Variants in DOK6 observed in about 807,000 individuals in gnomAD.
DOK6 encodes docking protein 6.
Under a neutral mutation model 44.0 loss-of-function variants are expected in DOK6, and 22 were observed. The ratio of observed to expected loss-of-function variants is 0.50; its 90% CI spans 0.36 to 0.71. The LOEUF is 0.71. Among genes scored for constraint, DOK6 ranks in the 30% least tolerant of loss-of-function variants. The pLI is 0.00. For synonymous variants in DOK6, 166 were observed against 145.5 expected, an observed-to-expected ratio of 1.14 and a Z score of -1.01; for missense variants, 340 against 416.4, an observed-to-expected ratio of 0.82 and a Z score of 1.60.
chr18:69,648,071 A>G (rs17081435), intron 3 of DOK6, among the ~76,000 whole-genome samples: 17,881 of 152,216 alleles, frequency 0.12, 1,173 homozygotes, highest in East Asian at 0.2. Flanking sequence ...AGCCTGGCAC[A>G]TCCTTGTTTC....
chr18:69,643,945 G>A (rs760337319), intron 3 of DOK6, among the ~76,000 whole-genome samples: 35 of 152,050 alleles, frequency 2.3e-4, no homozygotes, highest in Non-Finnish European at 3.2e-4. Flanking sequence ...TTGGCCATCC[G>A]GATAGGTGCG....
intron 1 of DOK6, among the ~76,000 whole-genome samples, chr18:69,534,423 T>C (rs1262209299): frequency 6.6e-6 from 1 of 152,182 alleles, no homozygotes; most frequent in Admixed American, 6.5e-5. Flanking sequence ...GTTTTAGATA[T>C]ATAATTGTTT....
rs915617589 is a variant in DOK6 at position 69,565,519 on chromosome 18, G to A, written c.174+925G>A. Among the ~76,000 whole-genome samples, 16 of 5,812 alleles carry A rather than the reference G, an allele frequency of 2.8e-3. 1 individual carries two copies. The highest frequency in any genetic ancestry group is 5.3e-3 in the African/African-American group (15 of 2,812). The allele number at this position is 5,812 out of a possible 152,430, so 3.8% of individuals were successfully genotyped here. A position where few individuals can be genotyped will look rare whatever the true frequency, so the allele number is the denominator to read the frequency against. Reference sequence around the variant, plus strand: ...TGTGTGTGTGTGTGTGTGTGTGTGTGTGTATATATATATACATAATTTTAA... The same window carrying A: ...TGTGTGTGTGTGTGTGTGTGTGTGTATGTATATATATATACATAATTTTAA... On this transcript the variant is annotated intron_variant, in intron 2 of 7. Coordinates refer to ENST00000382713, the MANE Select transcript of DOK6 (RefSeq NM_152721.6).
chr18:69,528,189 T>C (rs1056202957), intron 1 of DOK6, among the ~76,000 whole-genome samples: 1 of 150,010 alleles, frequency 6.7e-6, no homozygotes, highest in African/African-American at 2.4e-5. Flanking sequence ...AAGCTTCACC[T>C]TACAGATGCA....
chr18:69,669,543 G>A (rs73465970), intron 3 of DOK6, among the ~76,000 whole-genome samples: 2,772 of 152,100 alleles, frequency 0.018, 80 homozygotes, highest in African/African-American at 0.064. Context: ...CCTTTTATAT[G>A]ACACCTGTCC....
intron 1 of DOK6, among the ~76,000 whole-genome samples, chr18:69,487,804 G>T (rs1980625193): frequency 6.6e-6 from 1 of 152,054 alleles, no homozygotes; most frequent in Non-Finnish European, 1.5e-5. Flanking sequence ...GAGTTTCAGG[G>T]AGCATCTTGC....
chr18:69,830,942 T>C (rs902227863), intron 7 of DOK6, among the ~76,000 whole-genome samples: 1 of 152,204 alleles, frequency 6.6e-6, no homozygotes, highest in Non-Finnish European at 1.5e-5. Context: ...TTTATTTTTT[T>C]TCCACATGTA....
intron 7 of DOK6, among the ~76,000 whole-genome samples, chr18:69,826,224 TATTTGACCCAAA>T (rs1832709721): frequency 6.6e-6 from 1 of 152,204 alleles, no homozygotes; most frequent in South Asian, 2.1e-4. Context: ...TATGTGATTA[TATTTGACCCAAA>T]GTAAGCTGGT....
At chr18:69,560,138 A>C (rs532672543) in intron 1 of DOK6, among the ~76,000 whole-genome samples, 1 of 152,260 alleles carries the variant, frequency 6.6e-6, no homozygotes, top group African/African-American at 2.4e-5. Flanking sequence ...TATGTCTTGT[A>C]ATCCTCAAAG....
At chr18:69,804,090 T>G (rs182508392) in intron 7 of DOK6, among the ~76,000 whole-genome samples, 3 of 152,194 alleles carry the variant, frequency 2.0e-5, no homozygotes, top group Admixed American at 2.0e-4. Context: ...AAACAAAATT[T>G]TTGAGGTTAA....
chr18:69,758,090 A>T (rs916551686), intron 7 of DOK6, among the ~76,000 whole-genome samples: 1 of 152,240 alleles, frequency 6.6e-6, no homozygotes, highest in Admixed American at 6.5e-5. Flanking sequence ...AATTACTGTG[A>T]GGGCTAAGGA....
At chr18:69,487,875 ACT>A (rs1980627194) in intron 1 of DOK6, among the ~76,000 whole-genome samples, 1 of 151,370 alleles carries the variant, frequency 6.6e-6, no homozygotes, top group Non-Finnish European at 1.5e-5. Flanking sequence ...TTTCACAAAA[ACT>A]CTTTCTGGTG....
chr18:69,840,093 C>T (rs1352622382), intron 7 of DOK6, among the ~76,000 whole-genome samples: 3 of 152,226 alleles, frequency 2.0e-5, no homozygotes, highest in Middle Eastern at 3.2e-3. Flanking sequence ...GTATTTTCCA[C>T]GTCGCCAAAC....
chr18:69,825,806 A>G (rs1274868750), intron 7 of DOK6, among the ~76,000 whole-genome samples: 2 of 152,142 alleles, frequency 1.3e-5, no homozygotes, highest in Non-Finnish European at 2.9e-5. Flanking sequence ...TTGGGAAAAA[A>G]TATTCTCATA....
rs182192192 is a variant in DOK6 at position 69,549,012 on chromosome 18, G to A, written c.67-15475G>A. Among the ~76,000 whole-genome samples the A allele has an allele frequency of 8.4e-4, 126 of 150,204 alleles. 1 individual carries two copies. The highest frequency in any genetic ancestry group is 3.5e-3 in the Middle Eastern group (1 of 288). The stretch of plus-strand genomic sequence containing the variant: ...CGGGAGGCTGAGGCAGGAGAATGGC[G>A]TGAACCCCGGGTGACGGAGCCTGCA... On this transcript the variant is annotated intron_variant, in intron 1 of 7. Coordinates refer to ENST00000382713, the MANE Select transcript of DOK6 (RefSeq NM_152721.6).
intron 5 of DOK6, among the ~76,000 whole-genome samples, chr18:69,728,274 A>C (rs1338548541): frequency 6.6e-6 from 1 of 152,106 alleles, no homozygotes; most frequent in Non-Finnish European, 1.5e-5. Context: ...CAGAATTTTC[A>C]CTCAGCTAAG....
chr18:69,672,581 C>T (rs1429656864), intron 3 of DOK6, among the ~76,000 whole-genome samples: 1 of 152,074 alleles, frequency 6.6e-6, no homozygotes, highest in Non-Finnish European at 1.5e-5. Context: ...TGGTCTCAAA[C>T]TCCTGATCTC....
Position 69,491,665 on chromosome 18 carries a change from A to G in DOK6, c.67-72822A>G, listed in dbSNP as rs58500238. On this transcript the variant is annotated intron_variant, in intron 1 of 7. Transcript: ENST00000382713. ...AGGAAGAAACAAGAATCTGTGCTGA[A>G]TATTAATTCCAGGCATGACTGAGGG... Among the ~76,000 whole-genome samples, 255 of 152,336 alleles carry G rather than the reference A, an allele frequency of 1.7e-3. 2 individuals carry two copies. The highest frequency in any genetic ancestry group is 5.8e-3 in the African/African-American group (240 of 41,580).
At chr18:69,422,224 A>C (rs564527001) in intron 1 of DOK6, among the ~76,000 whole-genome samples, 196 of 152,104 alleles carry the variant, frequency 1.3e-3, no homozygotes, top group African/African-American at 4.2e-3. Context: ...CCACTACAAG[A>C]GTTCTGCTTT....
Sources: gnomAD v4.1 joint callset for allele counts (sites outside exome capture counted in the v4.1 genomes callset) on GRCh38, gnomAD v4.1.1 for gene constraint, MANE v1.5 for transcripts, NCBI Gene and HGNC (gene_info 2026-07-23, HGNC 2026-07-21) for gene names.